The following KMT2A variants were observed in gnomAD, a reference collection of about 807,000 sequenced individuals.
KMT2A encodes histone-lysine N-methyltransferase 2A.
A neutral mutation model predicts 345.3 loss-of-function variants in KMT2A; 16 were observed. The ratio of observed to expected loss-of-function variants is 0.05; its 90% CI spans 0.03 to 0.07. KMT2A has a LOEUF of 0.07. Ranked by LOEUF, KMT2A falls within the 10% of genes least tolerant of loss-of-function variation. KMT2A has a pLI of 1.00. For synonymous variants in KMT2A, 1,599 were observed against 1,778.6 expected (o/e 0.90, Z 2.54); for missense variants, 3,272 against 4,841.6 (o/e 0.68, Z 9.62).
intron 10 of KMT2A, among the ~76,000 whole-genome samples, chr11:118,487,859 A>C (rs1360095222): frequency 6.6e-6 from 1 of 152,230 alleles, no homozygotes; most frequent in African/African-American, 2.4e-5. Flanking sequence ...AAAATCCTAT[A>C]TCAATATGAA....
At chr11:118,499,541 T>A (rs769365560) in intron 23 of KMT2A, 121 bp downstream of exon 23, 438 of 751,902 alleles carry the variant, frequency 5.8e-4, no homozygotes, top group Non-Finnish European at 8.2e-4. Flanking sequence ...CCCAGCACTT[T>A]GGGAGGCTGA....
chr11:118,477,757 T>C (rs1950065923), intron 4 of KMT2A, among the ~76,000 whole-genome samples: 1 of 152,020 alleles, frequency 6.6e-6, no homozygotes, highest in South Asian at 2.1e-4. Context: ...TCTGCCTGGC[T>C]CAGCCTCCCA....
intron 1 of KMT2A, among the ~76,000 whole-genome samples, chr11:118,457,519 C>T (rs1487617892): frequency 6.6e-6 from 1 of 151,836 alleles, no homozygotes; most frequent in Admixed American, 6.6e-5. Context: ...GATCCACCTG[C>T]GTTGGCCTCC....
At chr11:118,513,850 G>A (rs564364113) in intron 31 of KMT2A, among the ~76,000 whole-genome samples, 43 of 149,978 alleles carry the variant, frequency 2.9e-4, no homozygotes, top group African/African-American at 1.1e-3. Flanking sequence ...TGTGGGAGGA[G>A]CGCATTGAGC....
Position 118,494,815 on chromosome 11 carries a change from C to A in KMT2A, c.5363+48C>A. On this transcript the variant is annotated intron_variant, in intron 18 of 35. Coordinates refer to ENST00000534358, the MANE Select transcript of KMT2A (RefSeq NM_001197104.2). The surrounding 1 kb of genome is among the most constrained non-coding windows in gnomAD (Gnocchi z 5.8). ...TTTTTTCTCCTCATCGGCTAGAAAT[C>A]TGAGAGTTCTCATATTTCTAGATTG... 1.4e-6 allele frequency: 2 copies of A among 1,402,514 alleles called. No individual in the cohort carries two copies. The highest frequency in any genetic ancestry group is 2.0e-6 in the Non-Finnish European group (2 of 992,146). 86.9% of individuals were successfully genotyped at this position (1,402,514 alleles called of 1,614,324 possible).
chr11:118,459,701 C>T (rs530639306), intron 1 of KMT2A, among the ~76,000 whole-genome samples: 1 of 151,520 alleles, frequency 6.6e-6, no homozygotes, highest in African/African-American at 2.4e-5. Flanking sequence ...AGTCTTGCTC[C>T]GTTGCCCAGG....
intron 1 of KMT2A, among the ~76,000 whole-genome samples, chr11:118,446,438 C>G (rs1949423487): frequency 6.6e-6 from 1 of 152,190 alleles, no homozygotes; most frequent in Admixed American, 6.5e-5. Flanking sequence ...AACTGAGGCA[C>G]AGACAAGTTA....
intron 1 of KMT2A, among the ~76,000 whole-genome samples, chr11:118,459,840 C>T (rs1233820033): frequency 1.3e-5 from 2 of 149,976 alleles, no homozygotes; most frequent in Non-Finnish European, 3.0e-5. Context: ...GCGGGCACTA[C>T]CACGCCCGGC....
intron 1 of KMT2A, chr11:118,448,172 C>T (rs1949460505): frequency 6.6e-6 from 1 of 152,276 alleles, no homozygotes; most frequent in Non-Finnish European, 1.5e-5. Context: ...AGAGAGAAAT[C>T]TTAAACATCA....
rs142445651 is a variant in KMT2A at position 118,508,752 on chromosome 11, G to A, written c.10836-384G>A. Among the ~76,000 whole-genome samples, 259 of 149,952 alleles carry A rather than the reference G, an allele frequency of 1.7e-3. 1 individual carries two copies. Among genetic ancestry groups the A allele is most frequent in the Non-Finnish European group, 3.2e-3 (218 of 67,630 alleles). On this transcript the variant is annotated intron_variant, in intron 28 of 35. Coordinates refer to ENST00000534358, the MANE Select transcript of KMT2A (RefSeq NM_001197104.2). ...AAAAAAAAAAAGGTGAAAATTGATT[G>A]TGGTTTATAAGCTCATGCAGCTTAT...
intron 10 of KMT2A, 134 bp downstream of exon 10, chr11:118,485,109 A>G (rs1950206265): frequency 3.0e-6 from 2 of 661,326 alleles, no homozygotes; most frequent in African/African-American, 3.7e-5. Context: ...AATGTTTTGA[A>G]GTATTTTAGA....
Position 118,472,491 on chromosome 11 carries a change from G to C in KMT2A, c.1332G>C (p.Glu444Asp), listed in dbSNP as rs1319025800. 1.5e-5 allele frequency: 25 copies of C among 1,612,936 alleles called. No homozygotes were observed. The highest frequency in any genetic ancestry group is 2.1e-5 in the Non-Finnish European group (25 of 1,179,738). Residue 444 changes from glutamate to aspartate, a missense_variant, in exon 3 of 36, where the codon GAG becomes GAC. Physicochemically the swap from Glu to Asp is conservative, Grantham distance 45 (BLOSUM62 2). This residue lies in a region of KMT2A where 180 missense variants were observed against 190.7 expected (regional missense o/e 0.94). Transcript: ENST00000534358. The part of the protein sequence containing the change: ...YDPPIKIARL[E>D]STPNSRFSAP... The stretch of plus-strand genomic sequence containing the variant: ...CTCCAATTAAAATTGCCCGATTAGA[G>C]TCTACACCGAATAGTAGATTCAGTG...
At chr11:118,469,140 C>T (rs9332764) in intron 2 of KMT2A, among the ~76,000 whole-genome samples, 20 of 133,260 alleles carry the variant, frequency 1.5e-4, no homozygotes, top group Non-Finnish European at 1.6e-4. Flanking sequence ...ATCCCTCCCC[C>T]CTCCCCCCAG....
chr11:118,508,658 G>A (rs951126821), intron 28 of KMT2A, among the ~76,000 whole-genome samples: 1 of 151,412 alleles, frequency 6.6e-6, no homozygotes, highest in African/African-American at 2.4e-5. Flanking sequence ...GGGAGTTGGA[G>A]GATGCAGCAA....
intron 31 of KMT2A, among the ~76,000 whole-genome samples, chr11:118,515,409 C>T (rs1195826114): frequency 1.3e-5 from 2 of 152,178 alleles, no homozygotes; most frequent in Non-Finnish European, 2.9e-5. Context: ...GATAATTTAT[C>T]ATCTTATATA....
At chr11:118,446,575 C>T (rs1949426326) in intron 1 of KMT2A, among the ~76,000 whole-genome samples, 1 of 152,180 alleles carries the variant, frequency 6.6e-6, no homozygotes, top group Non-Finnish European at 1.5e-5. Flanking sequence ...TCTCTTCCCA[C>T]TCACATCCAA....
chr11:118,522,305 C>A lies in KMT2A; in HGVS notation c.*133C>A, dbSNP rs1379130990. ...GAGGGGCCTCTGTGATGGCTGAGCT[C>A]TCTTATGTCCTATACTCACATCAGA... On this transcript the variant is annotated 3_prime_UTR_variant, in exon 36 of 36. Transcript: ENST00000534358. This position sits in a 1 kb window ranked among gnomAD's most constrained non-coding sequence, Gnocchi z 5.4. 7.8e-6 allele frequency: 6 copies of A among 767,528 alleles called. No homozygotes were observed. Among genetic ancestry groups the A allele is most frequent in the Non-Finnish European group, 1.1e-5 (5 of 471,850 alleles). 47.5% of individuals were successfully genotyped at this position (767,528 alleles called of 1,614,324 possible).
rs1555052971 is a variant in KMT2A, at chr11:118,519,974, T to A, written c.11339T>A (p.Met3780Lys). The part of the protein sequence containing the change: ...EVHLRKSAFD[M>K]FNFLASKHRQ... ...GGCCCCAGGAAGTCAGCATTTGACA[T>A]GTTTAACTTCCTGGCTTCTAAACAT... The change falls in exon 33 of 36, where the codon ATG becomes AAG. Residue 3780 changes from methionine (M) to lysine (K), a missense_variant. Met to Lys is a moderately conservative substitution (Grantham distance 95, BLOSUM62 -1). Around this residue, in one of 27 missense-constraint regions of KMT2A, gnomAD observed 72 missense variants for 135.6 expected, o/e 0.53. Coordinates refer to ENST00000534358, the MANE Select transcript of KMT2A (RefSeq NM_001197104.2). 4 of 1,613,770 alleles carry A rather than the reference T, an allele frequency of 2.5e-6. No homozygotes were observed. Among genetic ancestry groups the A allele is most frequent in the Non-Finnish European group, 3.4e-6 (4 of 1,179,672 alleles).
intron 1 of KMT2A, among the ~76,000 whole-genome samples, chr11:118,454,271 A>C (rs1949598599): frequency 1.3e-5 from 2 of 152,210 alleles, no homozygotes; most frequent in African/African-American, 4.8e-5. Context: ...ACAAAGCCAC[A>C]CGTAAGCTGG....
Sources: gnomAD v4.1 joint callset for allele counts (sites outside exome capture counted in the v4.1 genomes callset) on GRCh38, gnomAD v4.1.1 for gene constraint, gnomAD v4.1.1 regional missense constraint, Gnocchi (gnomAD v3.1) non-coding constraint, MANE v1.5 for transcripts, NCBI Gene and HGNC (gene_info 2026-07-23, HGNC 2026-07-21) for gene names.